The following ZNF385B variants were observed in gnomAD, a reference collection of about 807,000 sequenced individuals.
ZNF385B encodes the protein zinc finger protein 385B, also known as zinc finger protein 533.
ZNF385B carries 23 observed loss-of-function variants against 39.2 expected under a neutral mutation model. The ratio of observed to expected loss-of-function variants is 0.59; its 90% CI spans 0.42 to 0.83. ZNF385B has a LOEUF of 0.83. Among genes scored for constraint, ZNF385B ranks in the 40% least tolerant of loss-of-function variants. The pLI is 0.00. For synonymous variants in ZNF385B, 205 were observed against 222.6 expected, an observed-to-expected ratio of 0.92 and a Z score of 0.70; for missense variants, 552 against 598.9, an observed-to-expected ratio of 0.92 and a Z score of 0.82.
At position 179,796,103 on chromosome 2, in the gene ZNF385B, A is replaced by G. The variant is rs543751381; in HGVS notation, c.-154-25431T>C. ...CTTATTTTAAGATTGAAGAGCATGTACTCTTATACCAATCTTGAGGAAATT... is the reference window on the plus strand; with the variant it reads ...CTTATTTTAAGATTGAAGAGCATGTGCTCTTATACCAATCTTGAGGAAATT... On this transcript the variant is annotated intron_variant, in intron 1 of 9. Coordinates refer to ENST00000410066, the MANE Select transcript of ZNF385B (RefSeq NM_152520.6). 3 of 152,248 alleles carry G rather than the reference A, an allele frequency of 2.0e-5. No individual in the cohort carries two copies. The South Asian group carries it at 6.2e-4, about 32-fold the overall frequency. The allele number at this position is 152,248 out of a possible 1,614,324, so 9.4% of individuals were successfully genotyped here. A position where few individuals can be genotyped will look rare whatever the true frequency, so the allele number is the denominator to read the frequency against.
chr2:179,614,310 T>C (rs1333283605), intron 3 of ZNF385B, among the ~76,000 whole-genome samples: 1 of 151,978 alleles, frequency 6.6e-6, no homozygotes, highest in African/African-American at 2.4e-5. Flanking sequence ...CTTCTGTATT[T>C]TTTTTCTCAC....
intron 3 of ZNF385B, among the ~76,000 whole-genome samples, chr2:179,549,576 A>C (rs1473927192): frequency 1.3e-5 from 2 of 149,732 alleles, no homozygotes; most frequent in Non-Finnish European, 3.0e-5. Context: ...TAAAATTTCC[A>C]CCAATGTTTT....
intron 3 of ZNF385B, among the ~76,000 whole-genome samples, chr2:179,626,320 G>T (rs1690659430): frequency 6.6e-6 from 1 of 152,114 alleles, no homozygotes; most frequent in South Asian, 2.1e-4. Flanking sequence ...TTTTCTGAGG[G>T]TAAAACTATT....
chr2:179,778,318 T>C (rs1218959288), intron 1 of ZNF385B, among the ~76,000 whole-genome samples: 1 of 152,086 alleles, frequency 6.6e-6, no homozygotes, highest in Non-Finnish European at 1.5e-5. Flanking sequence ...CAAGGGCAGA[T>C]CTCGCAGCTC....
chr2:179,554,764 G>A (rs544373725), intron 3 of ZNF385B, among the ~76,000 whole-genome samples: 1 of 149,194 alleles, frequency 6.7e-6, no homozygotes, highest in Non-Finnish European at 1.5e-5. Context: ...AACTTCATTA[G>A]TAGTTAGGAA....
chr2:179,653,541 C>T (rs1433042726), intron 3 of ZNF385B, among the ~76,000 whole-genome samples: 1 of 152,182 alleles, frequency 6.6e-6, no homozygotes, highest in African/African-American at 2.4e-5. Context: ...CTGTCCACAT[C>T]TCTGTAAGTA....
chr2:179,673,584 G>C (rs1307898011), intron 3 of ZNF385B, among the ~76,000 whole-genome samples: 1 of 152,044 alleles, frequency 6.6e-6, no homozygotes, highest in East Asian at 1.9e-4. Flanking sequence ...AATTAAAAAG[G>C]CAATTTTTCT....
At chr2:179,668,846 G>C (rs533814688) in intron 3 of ZNF385B, among the ~76,000 whole-genome samples, 1 of 152,254 alleles carries the variant, frequency 6.6e-6, no homozygotes, top group South Asian at 2.1e-4. Context: ...GGAGCCATCT[G>C]AAGCACTTTA....
chr2:179,771,372 A>C lies in ZNF385B; in HGVS notation c.-154-700T>G, dbSNP rs546374093. On this transcript the variant is annotated intron_variant, in intron 1 of 9. Coordinates refer to ENST00000410066, the MANE Select transcript of ZNF385B (RefSeq NM_152520.6). ...CCAAAAAATCTCCTTGTTTATACCC[A>C]TACATCCAATTGTGAAGGTTGTCTG... is the stretch of plus-strand genomic sequence containing the variant. Among the ~76,000 whole-genome samples, 31 of 152,318 alleles carry C rather than the reference A, an allele frequency of 2.0e-4. 1 individual carries two copies. Among genetic ancestry groups the C allele is most frequent in the African/African-American group, 7.2e-4 (30 of 41,582 alleles).
intron 4 of ZNF385B, among the ~76,000 whole-genome samples, chr2:179,524,483 C>G (rs1271269144): frequency 7.3e-6 from 1 of 136,156 alleles, no homozygotes. Context: ...ACCTGGGAGG[C>G]AGAGCTTGCA....
At chr2:179,831,771 G>A (rs1433517691) in intron 1 of ZNF385B, among the ~76,000 whole-genome samples, 1 of 152,164 alleles carries the variant, frequency 6.6e-6, no homozygotes, top group African/African-American at 2.4e-5. Flanking sequence ...GATCAGGAGT[G>A]GGGAGGCCAT....
At chr2:179,493,404 TATGTACACAA>T (rs2055471582) in intron 5 of ZNF385B, among the ~76,000 whole-genome samples, 1 of 151,638 alleles carries the variant, frequency 6.6e-6, no homozygotes, top group Non-Finnish European at 1.5e-5. Context: ...TGCATACATA[TATGTACACAA>T]ATGCATGTGT....
intron 3 of ZNF385B, among the ~76,000 whole-genome samples, chr2:179,698,477 T>G (rs2106358991): frequency 6.6e-6 from 1 of 152,296 alleles, no homozygotes; most frequent in Admixed American, 6.5e-5. Context: ...TAACTTAGAG[T>G]ATCCCATAAA....
intron 6 of ZNF385B, among the ~76,000 whole-genome samples, chr2:179,461,029 A>G (rs987400428): frequency 3.3e-5 from 5 of 152,220 alleles, no homozygotes; most frequent in Non-Finnish European, 5.9e-5. Context: ...GAATGAAATA[A>G]TAGGAGTTCT....
At chr2:179,463,114 C>T (rs1178328964) in intron 6 of ZNF385B, among the ~76,000 whole-genome samples, 1 of 151,944 alleles carries the variant, frequency 6.6e-6, no homozygotes, top group Admixed American at 6.6e-5. Context: ...ATTATATATA[C>T]ACATCAATCA....
At chr2:179,515,352 C>T (rs2058017559) in intron 5 of ZNF385B, among the ~76,000 whole-genome samples, 1 of 152,114 alleles carries the variant, frequency 6.6e-6, no homozygotes. Context: ...ACGATTTTTG[C>T]AATTTAATTC....
Position 179,769,488 on chromosome 2 carries a change from G to A in ZNF385B, c.298+15C>T. 3.1e-6 allele frequency: 5 copies of A among 1,612,426 alleles called. No individual in the cohort carries two copies. The highest frequency in any genetic ancestry group is 2.2e-5 in the East Asian group (1 of 44,864). On this transcript the variant is annotated intron_variant, in intron 3 of 9. Coordinates refer to ENST00000410066, the MANE Select transcript of ZNF385B (RefSeq NM_152520.6). ...TCTCCCCGCAGCACATGGAACCCGG[G>A]ACCCTGCCTCCTACCTGTGCTGCTG...
intron 5 of ZNF385B, among the ~76,000 whole-genome samples, chr2:179,513,705 A>T (rs1388219080): frequency 6.6e-6 from 1 of 152,214 alleles, no homozygotes; most frequent in East Asian, 1.9e-4. Context: ...TGTGGAAATG[A>T]TTTTTAATTA....
intron 3 of ZNF385B, among the ~76,000 whole-genome samples, chr2:179,683,727 C>T (rs1056270402): frequency 1.3e-5 from 2 of 152,112 alleles, no homozygotes; most frequent in African/African-American, 2.4e-5. Flanking sequence ...CCACCCGCCT[C>T]GGCCTCCCAA....
Sources: allele counts gnomAD v4.1 joint callset (sites outside exome capture counted in the v4.1 genomes callset), GRCh38; gene constraint gnomAD v4.1.1; transcripts MANE v1.5; gene names NCBI Gene and HGNC (gene_info 2026-07-23, HGNC 2026-07-21).